Variants in CDHR4 observed in about 807,000 individuals in gnomAD.
The protein encoded by CDHR4 is cadherin-related family member 4.
Under a neutral mutation model 88.4 loss-of-function variants are expected in CDHR4, and 89 were observed. That is an observed-to-expected ratio of 1.01 (90% CI 0.85 to 1.20). The LOEUF (loss-of-function observed/expected upper bound fraction) is 1.20, where lower values mean the gene tolerates loss of function less well. CDHR4 is among the 50% of genes most tolerant of loss of function. The pLI, the probability that CDHR4 is intolerant of heterozygous loss-of-function variation, is 0.00. For synonymous variants in CDHR4, 368 were observed against 399.2 expected, an observed-to-expected ratio of 0.92 and a Z score of 0.93; for missense variants, 914 against 1,007.2, an observed-to-expected ratio of 0.91 and a Z score of 1.25.
chr3:49,799,206 C>T (rs747328521), intron 2 of CDHR4, 41 bp downstream of exon 2: 1 of 1,607,502 alleles, frequency 6.2e-7, no homozygotes, highest in Non-Finnish European at 8.5e-7. Context: ...TTAGGTCTGC[C>T]CTTGTGCCCC....
Position 49,799,819 on chromosome 3 carries a change from C to G in CDHR4, c.-7G>C, listed in dbSNP as rs745867874. ...GGAGCCTGAGCAGCACCATGATGAC[C>G]TGAAGACACAGACAGCAGAGGAGGC... is the stretch of plus-strand genomic sequence containing the variant. On this transcript the variant is annotated 5_prime_UTR_variant, in exon 1 of 19. Transcript: ENST00000412678. 1 of 1,613,886 alleles carries G rather than the reference C, an allele frequency of 6.2e-7. No homozygotes were observed. Among genetic ancestry groups the G allele is most frequent in the African/African-American group, 1.3e-5 (1 of 75,042 alleles).
chr3:49,796,090 C>T (rs1344623327), intron 5 of CDHR4, 44 bp from the exon 6 acceptor site: 2 of 1,401,706 alleles, frequency 1.4e-6, no homozygotes, highest in South Asian at 1.5e-5. Flanking sequence ...TTGTGTGTGT[C>T]CACCTCTTTG....
At position 49,791,453 on chromosome 3, in the gene CDHR4, C is replaced by A; in HGVS notation, c.2299G>T (p.Ala767Ser). 6.5e-7 allele frequency: 1 copy of A among 1,547,092 alleles called. No homozygotes were observed. Residue 767 changes from alanine to serine, a missense_variant, in exon 18 of 19, where the codon GCA (alanine) becomes TCA (serine). Ala to Ser is a moderately conservative substitution (Grantham distance 99). Transcript: ENST00000412678. ...GAGGGGGACTCACGGGAGTCCTGTG[C>A]TCTGCCATCAAAATGCTGCTGAGGG... ...SVMSLHFDGRAQDSRTGRDYL... is the reference protein window; with the variant it reads ...SVMSLHFDGRSQDSRTGRDYL...
In CDHR4 at chr3:49,792,989, GGGCTGCTCT is replaced by G; in HGVS notation, c.1851_1859del (p.Glu618_Pro620del). 2 of 1,551,708 alleles carry G rather than the reference GGGCTGCTCT, an allele frequency of 1.3e-6. No homozygotes were observed. Among genetic ancestry groups the G allele is most frequent in the South Asian group, 2.4e-5 (2 of 84,060 alleles). Reference sequence around the variant, plus strand: ...CACAGATCAGTAGCTCATAGGTACGGGGCTGCTCTGGCCAGAACGGCCCCAACACAAGGT... The same window carrying G: ...CACAGATCAGTAGCTCATAGGTACGGGGCCAGAACGGCCCCAACACAAGGT... On this transcript the variant is annotated inframe_deletion, in exon 14 of 19. Coordinates refer to ENST00000412678, the MANE Select transcript of CDHR4 (RefSeq NM_001007540.4).
intron 17 of CDHR4, 73 bp downstream of exon 17, chr3:49,791,641 A>G: frequency 6.6e-7 from 1 of 1,512,666 alleles, no homozygotes; most frequent in Non-Finnish European, 9.0e-7. Context: ...ATGGGAAAAA[A>G]GGCTTGGAGG....
upstream of CDHR4, among the ~76,000 whole-genome samples, chr3:49,802,714 C>T (rs2081377755): frequency 2.0e-5 from 3 of 152,246 alleles, no homozygotes; most frequent in African/African-American, 7.2e-5. Flanking sequence ...GCTGGACTCG[C>T]GACTAGCCAA....
In CDHR4 at chr3:49,793,289, T is replaced by A. The variant is rs2081211230; in HGVS notation, c.1646A>T (p.Glu549Val). ...GAGTTCCTGAAATGGGGGCTCACAC[T>A]CGGGGGCATGGTCATTCACATCCTG... ...EVEDVNDHAP[E>V]CEPPFQELTI... The change falls in exon 13 of 19, where the codon GAG becomes GTG. Residue 549 changes from glutamate to valine, a missense_variant. Coordinates refer to ENST00000412678, the MANE Select transcript of CDHR4 (RefSeq NM_001007540.4). The A allele has an allele frequency of 6.4e-7, 1 of 1,551,566 alleles. No homozygotes were observed. Among genetic ancestry groups the A allele is most frequent in the East Asian group, 2.4e-5 (1 of 40,916 alleles).
upstream of CDHR4, among the ~76,000 whole-genome samples, chr3:49,800,995 T>A (rs1575357672): frequency 6.6e-6 from 1 of 151,592 alleles, no homozygotes; most frequent in African/African-American, 2.4e-5. Flanking sequence ...GAGGCTGCAG[T>A]GAGCCAAGAT....
chr3:49,791,417 T>C (rs1364025346), intron 18 of CDHR4, 24 bp downstream of exon 18: 4 of 1,535,272 alleles, frequency 2.6e-6, no homozygotes, highest in East Asian at 2.5e-5. Flanking sequence ...AGGCAGAGAA[T>C]AGCTTAGGAA....
Position 49,795,185 on chromosome 3 carries a change from CG to C in CDHR4, c.1031+10del. 6.4e-7 allele frequency: 1 copy of C among 1,551,590 alleles called. No homozygotes were observed. The highest frequency in any genetic ancestry group is 8.7e-7 in the Non-Finnish European group (1 of 1,146,958). On this transcript the variant is annotated intron_variant, in intron 8 of 18. Transcript: ENST00000412678. This position sits in a 1 kb window ranked among gnomAD's most constrained non-coding sequence, Gnocchi z 5.4. Reference sequence around the variant, plus strand: ...ACCCCAGCAGCCCAAGTATGGTTCCCGGGTACTCACACCAGAAGCGCTGGGA... The same window carrying C: ...ACCCCAGCAGCCCAAGTATGGTTCCCGGTACTCACACCAGAAGCGCTGGGA...
chr3:49,794,744 G>A, intron 9 of CDHR4, 43 bp from the exon 10 acceptor site: 1 of 1,510,968 alleles, frequency 6.6e-7, no homozygotes, highest in Non-Finnish European at 9.0e-7. Flanking sequence ...CAGGGCCTGA[G>A]AGAGCCCTGA....
intron 4 of CDHR4, chr3:49,798,587 CAA>C (rs1204316024): frequency 0.054 from 21,247 of 391,120 alleles, no homozygotes; most frequent in Middle Eastern, 0.067. Context: ...GACTCCGTCT[CAA>C]AAAAAAAAAA....
Position 49,791,430 on chromosome 3 carries a change from G to C in CDHR4, c.2311+11C>G, listed in dbSNP as rs145439991. 31,107 of 1,541,582 alleles carry C rather than the reference G, an allele frequency of 0.02. 393 individuals carry two copies. The highest frequency in any genetic ancestry group is 0.036 in the African/African-American group (2,600 of 72,126). On this transcript the variant is annotated intron_variant, in intron 18 of 18. Coordinates refer to ENST00000412678, the MANE Select transcript of CDHR4 (RefSeq NM_001007540.4). ...CCAGGCAGAGAATAGCTTAGGAAGA[G>C]GGGGACTCACGGGAGTCCTGTGCTC...
chr3:49,792,373 G>A (rs1575341279), intron 15 of CDHR4, 95 bp downstream of exon 15: 3 of 1,446,352 alleles, frequency 2.1e-6, no homozygotes, highest in South Asian at 1.3e-5. Context: ...ACCTACTTGG[G>A]CATTGTCATC....
rs1173328204 is a variant in CDHR4, at chr3:49,793,921, A to G, written c.1365T>C (p.Asp455=). ...CAPRTFRVQE[D]AAPHTLLGSV... ...AGCCCAGTAGAGTGTGGGGCGCCGC[A>G]TCCTCCTGAACCCGGAACGTGCGAG... Residue 455 remains aspartate, a synonymous_variant, in exon 11 of 19, where the codon GAT becomes GAC. Transcript: ENST00000412678. 23 of 1,551,636 alleles carry G rather than the reference A, an allele frequency of 1.5e-5. No individual in the cohort carries two copies. The East Asian group carries it at 5.1e-4, about 35-fold the overall frequency.
chr3:49,793,178 GAGT>G lies in CDHR4; in HGVS notation c.1754_1756del (p.Tyr585del). 7 of 1,551,692 alleles carry G rather than the reference GAGT, an allele frequency of 4.5e-6. No homozygotes were observed. The highest frequency in any genetic ancestry group is 6.1e-6 in the Non-Finnish European group (7 of 1,146,988). ...TCCCCTACCTCCCACGATGCTATAG[GAGT>G]AGATCAGGCGCTGTGGCTCCTGAGG... On this transcript the variant is annotated inframe_deletion, in exon 13 of 19. Coordinates refer to ENST00000412678, the MANE Select transcript of CDHR4 (RefSeq NM_001007540.4).
chr3:49,799,901 C>T, upstream of CDHR4: 1 of 1,415,516 alleles, frequency 7.1e-7, no homozygotes, highest in Non-Finnish European at 9.9e-7. Flanking sequence ...GTTGCTCAAA[C>T]ATAGCTGGGC....
intron 1 of CDHR4, 54 bp from the exon 2 acceptor site, chr3:49,799,491 A>G (rs996743391): frequency 1.3e-6 from 2 of 1,511,540 alleles, no homozygotes; most frequent in African/African-American, 2.8e-5. Context: ...GGAACCACAC[A>G]TACTAGCATA....
chr3:49,790,780 C>A lies in CDHR4; in HGVS notation c.*52G>T. On this transcript the variant is annotated 3_prime_UTR_variant, in exon 19 of 19. Coordinates refer to ENST00000412678, the MANE Select transcript of CDHR4 (RefSeq NM_001007540.4). ...TTATGAATCAACTTGAAAATACAGC[C>A]CATGATGGTGTGAAAAAGAAATTCC... 1 of 1,446,154 alleles carries A rather than the reference C, an allele frequency of 6.9e-7. No individual in the cohort carries two copies. The highest frequency in any genetic ancestry group is 9.4e-7 in the Non-Finnish European group (1 of 1,060,222). The allele number at this position is 1,446,154 out of a possible 1,614,324, so 89.6% of individuals were successfully genotyped here.
Sources: allele counts gnomAD v4.1 joint callset (sites outside exome capture counted in the v4.1 genomes callset), GRCh38; gene constraint gnomAD v4.1.1; non-coding constraint Gnocchi (gnomAD v3.1); transcripts MANE v1.5; gene names NCBI Gene and HGNC (gene_info 2026-07-23, HGNC 2026-07-21).